Variants in NRG1 observed in about 807,000 individuals in gnomAD.
NRG1 encodes the protein pro-neuregulin-1, membrane-bound isoform.
NRG1 carries 18 observed loss-of-function variants against 63.8 expected under a neutral mutation model. The ratio of observed to expected loss-of-function variants is 0.28; its 90% confidence interval spans 0.19 to 0.42. The LOEUF is 0.42. NRG1 is among the 10% of genes least tolerant of loss of function. The pLI is 1.00. For synonymous variants in NRG1, 302 were observed against 301.3 expected (o/e 1.00, Z -0.02); for missense variants, 762 against 814.7 (o/e 0.94, Z 0.79).
chr8:31,768,260 T>C (rs2131555458), intron 1 of NRG1, among the ~76,000 whole-genome samples: 1 of 152,296 alleles, frequency 6.6e-6, no homozygotes, highest in African/African-American at 2.4e-5. Flanking sequence ...ATATTTCCCA[T>C]ATAGAAAATA....
chr8:32,244,520 C>T (rs1848426732), intron 1 of NRG1, among the ~76,000 whole-genome samples: 1 of 152,030 alleles, frequency 6.6e-6, no homozygotes, highest in African/African-American at 2.4e-5. Flanking sequence ...TGAGGAATGT[C>T]TCAAAAGAAA....
At chr8:31,671,149 A>G (rs1464115239) in intron 1 of NRG1, among the ~76,000 whole-genome samples, 2 of 152,002 alleles carry the variant, frequency 1.3e-5, no homozygotes, top group Admixed American at 6.6e-5. Context: ...ATTTTTTTTA[A>G]TAACTGTAAG....
chr8:32,211,718 C>T (rs117067056), intron 1 of NRG1, among the ~76,000 whole-genome samples: 2,177 of 152,204 alleles, frequency 0.014, 29 homozygotes, highest in South Asian at 0.028. Context: ...ATATTTTCCT[C>T]TACTCTATTA....
intron 1 of NRG1, among the ~76,000 whole-genome samples, chr8:31,965,557 T>C (rs2129627216): frequency 6.6e-6 from 1 of 152,252 alleles, no homozygotes; most frequent in African/African-American, 2.4e-5. Flanking sequence ...TTATTTTCTT[T>C]TGGATAAATA....
In NRG1 at chr8:32,634,995, T is replaced by C. The variant is rs1851053635; in HGVS notation, c.502+18110T>C. On this transcript the variant is annotated intron_variant, in intron 5 of 11. Transcript: ENST00000356819. ...TTACTTTGCATACTGATTGTAAAGATTATAAATAAGAACTGATGTATATAT... is the reference window on the plus strand; with the variant it reads ...TTACTTTGCATACTGATTGTAAAGACTATAAATAAGAACTGATGTATATAT... Among the ~76,000 whole-genome samples, 4 of 152,198 alleles carry C rather than the reference T, an allele frequency of 2.6e-5. No homozygotes were observed. The South Asian group carries it at 8.3e-4, about 32-fold the overall frequency.
At chr8:32,033,335 G>A (rs898100819) in intron 1 of NRG1, among the ~76,000 whole-genome samples, 17 of 152,082 alleles carry the variant, frequency 1.1e-4, no homozygotes, top group Admixed American at 4.6e-4. Context: ...GTACCATGCT[G>A]TTTTGGTTAC....
intron 1 of NRG1, among the ~76,000 whole-genome samples, chr8:31,895,269 A>G (rs1831488989): frequency 2.0e-5 from 3 of 152,226 alleles, no homozygotes; most frequent in Admixed American, 6.5e-5. Flanking sequence ...CAGGTCCCCA[A>G]AGAAGTCAGG....
intron 1 of NRG1, among the ~76,000 whole-genome samples, chr8:32,023,593 G>T (rs1382719389): frequency 2.0e-5 from 3 of 152,180 alleles, no homozygotes; most frequent in African/African-American, 7.2e-5. Context: ...CTGAAAATCA[G>T]AAGCAGCTCC....
chr8:32,433,195 C>A (rs1198392700), intron 1 of NRG1, among the ~76,000 whole-genome samples: 1 of 152,088 alleles, frequency 6.6e-6, no homozygotes, highest in Non-Finnish European at 1.5e-5. Context: ...AACTAGGCAG[C>A]ATTGCATCAA....
chr8:32,202,158 T>G (rs893824017), intron 1 of NRG1, among the ~76,000 whole-genome samples: 21 of 152,144 alleles, frequency 1.4e-4, no homozygotes, highest in African/African-American at 5.1e-4. Flanking sequence ...GGAACACTAC[T>G]GTAAAAGAAT....
intron 1 of NRG1, among the ~76,000 whole-genome samples, chr8:31,920,076 G>A (rs1833773317): frequency 6.6e-6 from 1 of 151,996 alleles, no homozygotes; most frequent in African/African-American, 2.4e-5. Context: ...AGTAAAATAG[G>A]GCTTTGTTAC....
rs978269662 is a variant in NRG1 at position 31,871,908 on chromosome 8, C to A, written c.37+232477C>A. 7.2e-5 allele frequency among the ~76,000 whole-genome samples: 11 copies of A among 152,118 alleles called. 1 individual carries two copies. Among genetic ancestry groups the A allele is most frequent in the African/African-American group, 2.7e-4 (11 of 41,422 alleles). On this transcript the variant is annotated intron_variant, in intron 1 of 10. Coordinates refer to the NRG1 transcript ENST00000519301. ...TCAAAGAGGGAGAGAAATGTGAATTCAAAAGGATAATGTGGCTTTTATTTT... is the reference window on the plus strand; with the variant it reads ...TCAAAGAGGGAGAGAAATGTGAATTAAAAAGGATAATGTGGCTTTTATTTT...
intron 1 of NRG1, among the ~76,000 whole-genome samples, chr8:32,567,952 G>T (rs1432993791): frequency 1.3e-5 from 2 of 152,246 alleles, no homozygotes; most frequent in African/African-American, 2.4e-5. Flanking sequence ...GCTGCAGAAT[G>T]CAGGGAAGTG....
At chr8:31,737,127 T>A (rs181621061) in intron 1 of NRG1, among the ~76,000 whole-genome samples, 2 of 152,092 alleles carry the variant, frequency 1.3e-5, no homozygotes, top group African/African-American at 2.4e-5. Context: ...AGATGTAACA[T>A]AGATTTTATT....
intron 1 of NRG1, among the ~76,000 whole-genome samples, chr8:32,490,675 C>T (rs1826448724): frequency 6.6e-6 from 1 of 152,142 alleles, no homozygotes; most frequent in African/African-American, 2.4e-5. Context: ...AAACAACTGC[C>T]AGAGACCAAA....
At chr8:32,438,946 G>A (rs1819141436) in intron 1 of NRG1, among the ~76,000 whole-genome samples, 1 of 152,106 alleles carries the variant, frequency 6.6e-6, no homozygotes, top group Admixed American at 6.6e-5. Context: ...TGTCGGATAT[G>A]TGATTTACAA....
intron 1 of NRG1, among the ~76,000 whole-genome samples, chr8:32,566,116 G>T (rs1338042499): frequency 6.6e-6 from 1 of 152,094 alleles, no homozygotes; most frequent in Non-Finnish European, 1.5e-5. Context: ...CACTTTGGGA[G>T]GCCAAGGAGA....
intron 1 of NRG1, among the ~76,000 whole-genome samples, chr8:32,161,517 A>G (rs1233391686): frequency 6.6e-6 from 1 of 152,180 alleles, no homozygotes; most frequent in African/African-American, 2.4e-5. Flanking sequence ...AGTATGCAAC[A>G]TAACACATTT....
intron 1 of NRG1, among the ~76,000 whole-genome samples, chr8:32,427,866 C>T (rs1034070142): frequency 5.9e-5 from 9 of 152,078 alleles, no homozygotes; most frequent in African/African-American, 1.2e-4. Context: ...TGAACAGGGG[C>T]GGTTTCAACC....
Sources: gnomAD v4.1 joint callset for allele counts (sites outside exome capture counted in the v4.1 genomes callset) on GRCh38, gnomAD v4.1.1 for gene constraint, MANE v1.5 for transcripts, NCBI Gene and HGNC (gene_info 2026-07-23, HGNC 2026-07-21) for gene names.